The following NFIA variants were observed in gnomAD, a reference collection of about 807,000 sequenced individuals.
NFIA encodes nuclear factor I A.
In NFIA, 8 loss-of-function variants were observed where a neutral mutation model predicts 62.8. That is an observed-to-expected ratio of 0.13 (90% confidence interval 0.07 to 0.23). The LOEUF is 0.23. NFIA is among the 10% of genes least tolerant of loss of function. The pLI is 1.00. For synonymous variants in NFIA, 235 were observed against 238.1 expected (o/e 0.99, Z 0.12); for missense variants, 410 against 642.1 (o/e 0.64, Z 3.91).
At chr1:61,369,794 A>G (rs995342268) in intron 6 of NFIA, among the ~76,000 whole-genome samples, 10 of 152,128 alleles carry the variant, frequency 6.6e-5, no homozygotes, top group African/African-American at 2.2e-4. Context: ...ATATAAATAT[A>G]TATGTGTGCA....
intron 9 of NFIA, among the ~76,000 whole-genome samples, chr1:61,414,863 T>C (rs998184905): frequency 1.3e-5 from 2 of 152,198 alleles, no homozygotes; most frequent in African/African-American, 4.8e-5. Context: ...ATTCACTCTT[T>C]AGTGTACAGC....
intron 3 of NFIA, among the ~76,000 whole-genome samples, chr1:61,290,936 T>C (rs1658842038): frequency 6.6e-6 from 1 of 152,188 alleles, no homozygotes; most frequent in Non-Finnish European, 1.5e-5. Context: ...CTCTGGCAGT[T>C]ATAGTTTGGA....
intron 9 of NFIA, among the ~76,000 whole-genome samples, chr1:61,421,047 G>A (rs1666595149): frequency 6.6e-6 from 1 of 152,086 alleles, no homozygotes; most frequent in Non-Finnish European, 1.5e-5. Context: ...GCCCTTGGTG[G>A]CCTCAGTCCA....
At chr1:61,408,452 TC>T (rs1665951406) in intron 9 of NFIA, among the ~76,000 whole-genome samples, 1 of 152,240 alleles carries the variant, frequency 6.6e-6, no homozygotes, top group South Asian at 2.1e-4. Context: ...TTACATCTGT[TC>T]CTTGAGGATG....
intron 2 of NFIA, among the ~76,000 whole-genome samples, chr1:61,275,533 A>G (rs192898636): frequency 5.3e-5 from 8 of 152,310 alleles, no homozygotes; most frequent in Admixed American, 3.3e-4. Context: ...ATTAATTATA[A>G]AGATATTACA....
chr1:61,367,944 T>G (rs1663678956), intron 6 of NFIA, among the ~76,000 whole-genome samples: 1 of 152,312 alleles, frequency 6.6e-6, no homozygotes, highest in African/African-American at 2.4e-5. Context: ...AATAATAAGA[T>G]GGAGATCACA....
chr1:61,296,083 C>G (rs1046180698), intron 3 of NFIA, among the ~76,000 whole-genome samples: 1 of 152,202 alleles, frequency 6.6e-6, no homozygotes, highest in African/African-American at 2.4e-5. Context: ...CGTGGTATCA[C>G]TTTCACCCTC....
At chr1:61,418,259 T>A in intron 9 of NFIA, among the ~76,000 whole-genome samples, 1 of 150,352 alleles carries the variant, frequency 6.7e-6, no homozygotes, top group Admixed American at 6.6e-5. Context: ...AGCCCAGGAG[T>A]TCAAGACCAG....
chr1:61,421,627 A>G (rs1011928997), intron 9 of NFIA, among the ~76,000 whole-genome samples: 7 of 152,174 alleles, frequency 4.6e-5, no homozygotes, highest in Non-Finnish European at 8.8e-5. Flanking sequence ...AAGGTGCCTC[A>G]CATTTTCCTC....
chr1:61,143,763 C>T (rs1647716243), intron 2 of NFIA, among the ~76,000 whole-genome samples: 5 of 152,084 alleles, frequency 3.3e-5, no homozygotes, highest in Admixed American at 1.3e-4. Context: ...GTAGCTATAT[C>T]GAGTCTATAT....
chr1:61,135,844 T>G (rs533522362), intron 2 of NFIA, among the ~76,000 whole-genome samples: 1 of 152,224 alleles, frequency 6.6e-6, no homozygotes, highest in Non-Finnish European at 1.5e-5. Context: ...GTTTCGTCTA[T>G]GTGCCATCCT....
chr1:61,082,405 G>A (rs1646117024), upstream of NFIA: 2 of 897,718 alleles, frequency 2.2e-6, no homozygotes, highest in Non-Finnish European at 1.3e-6. Flanking sequence ...AGCGGGCGGC[G>A]GCTGTGCGGT....
intron 2 of NFIA, among the ~76,000 whole-genome samples, chr1:61,209,061 A>G (rs1481755432): frequency 6.6e-6 from 1 of 152,158 alleles, no homozygotes; most frequent in African/African-American, 2.4e-5. Flanking sequence ...GCCCTGGGCA[A>G]AGGACCCAAA....
chr1:61,412,151 T>C (rs1422895021), intron 9 of NFIA, among the ~76,000 whole-genome samples: 2 of 152,076 alleles, frequency 1.3e-5, no homozygotes, highest in Non-Finnish European at 2.9e-5. Flanking sequence ...ATAAATAAAA[T>C]GAGCGTCTTC....
At chr1:61,338,680 G>T (rs1488048552) in intron 4 of NFIA, among the ~76,000 whole-genome samples, 1 of 152,176 alleles carries the variant, frequency 6.6e-6, no homozygotes, top group East Asian at 1.9e-4. Flanking sequence ...GTAGGAACAA[G>T]CCCAAACTTG....
chr1:61,256,434 TAA>T (rs5774549), intron 2 of NFIA, among the ~76,000 whole-genome samples: 23,223 of 101,926 alleles, frequency 0.23, 2,557 homozygotes, highest in East Asian at 0.37. Context: ...AGACTCCATC[TAA>T]AAAAAAAAAA....
intron 6 of NFIA, among the ~76,000 whole-genome samples, chr1:61,361,768 C>G (rs1192904909): frequency 6.8e-6 from 1 of 147,936 alleles, no homozygotes; most frequent in Admixed American, 6.9e-5. Flanking sequence ...ATGGCTGAAT[C>G]CTTTTTGGTA....
intron 2 of NFIA, among the ~76,000 whole-genome samples, chr1:61,195,498 G>A (rs1470353041): frequency 2.0e-5 from 3 of 151,956 alleles, no homozygotes; most frequent in Non-Finnish European, 4.4e-5. Flanking sequence ...ACCCTCCTCT[G>A]TCTGTATATT....
intron 2 of NFIA, among the ~76,000 whole-genome samples, chr1:61,245,421 G>T (rs975993772): frequency 1.4e-4 from 21 of 152,084 alleles, no homozygotes; most frequent in Admixed American, 9.2e-4. Context: ...CATATATTAT[G>T]GTCGAAGCTT....
Sources: allele counts gnomAD v4.1 joint callset (sites outside exome capture counted in the v4.1 genomes callset), GRCh38; gene constraint gnomAD v4.1.1; transcripts MANE v1.5; gene names NCBI Gene and HGNC (gene_info 2026-07-23, HGNC 2026-07-21).